The following DGKD variants were observed in gnomAD, a reference collection of about 807,000 sequenced individuals.
DGKD encodes the protein DAG kinase delta.
Under a neutral mutation model 154.4 loss-of-function variants are expected in DGKD, and 68 were observed. The ratio of observed to expected loss-of-function variants is 0.44; its 90% CI spans 0.36 to 0.54. The LOEUF is 0.54. DGKD is among the 20% of genes least tolerant of loss of function. DGKD has a pLI of 0.00. For missense variants in DGKD, 1,343 were observed against 1,593.6 expected (o/e 0.84, Z 2.68); for synonymous variants, 693 against 638.0 (o/e 1.09, Z -1.30).
At chr2:233,420,745 A>G (rs1031476074) in intron 3 of DGKD, among the ~76,000 whole-genome samples, 1 of 152,214 alleles carries the variant, frequency 6.6e-6, no homozygotes, top group Non-Finnish European at 1.5e-5. Flanking sequence ...GGAACGAGGC[A>G]TGAACCGCAG....
At chr2:233,387,618 G>A (rs1214181240) in intron 1 of DGKD, among the ~76,000 whole-genome samples, 1 of 152,198 alleles carries the variant, frequency 6.6e-6, no homozygotes, top group Non-Finnish European at 1.5e-5. Context: ...TCCATTTCTG[G>A]ATTCTCGTAA....
Position 233,448,335 on chromosome 2 carries a change from C to T in DGKD, c.1574C>T (p.Thr525Met), listed in dbSNP as rs149840484. The change falls in exon 14 of 30, where the codon ACG (threonine) becomes ATG (methionine). Residue 525 changes from threonine (T) to methionine (M), a missense_variant. By Grantham distance (81) the Thr-to-Met change is moderately conservative. Around this residue, in one of 6 missense-constraint regions of DGKD, gnomAD observed 409 missense variants for 446.0 expected, o/e 0.92. Coordinates refer to ENST00000264057, the MANE Select transcript of DGKD (RefSeq NM_152879.3). ...CGGGTGGGGAAGGCCTATGAGAAGA[C>T]GACCGAGAGCTCGGAGGAGTCAGAG... ...VARVGKAYEKTTESSEESEVM... is the reference protein window; with the variant it reads ...VARVGKAYEKMTESSEESEVM... 25 of 1,614,012 alleles carry T rather than the reference C, an allele frequency of 1.5e-5. No homozygotes were observed. Among genetic ancestry groups the T allele is most frequent in the East Asian group, 1.1e-4 (5 of 44,892 alleles).
rs559341737 is a variant in DGKD, at chr2:233,401,191, G to A, written c.348+10708G>A. The stretch of plus-strand genomic sequence containing the variant: ...CTCCATTTTCTCATCTGAGAAATGG[G>A]GCTAGTAACCTGCCTTGTGGGGTGG... On this transcript the variant is annotated intron_variant, in intron 3 of 29. Transcript: ENST00000264057. Among the ~76,000 whole-genome samples the A allele has an allele frequency of 2.4e-3, 361 of 152,108 alleles. 3 individuals are homozygous for A. The highest frequency in any genetic ancestry group is 7.7e-3 in the African/African-American group (319 of 41,508).
rs201017453 is a variant in DGKD, at chr2:233,370,567, C to CTT, written c.156+15894_156+15895dup. Among the ~76,000 whole-genome samples the CTT allele has an allele frequency of 1.4e-3, 165 of 114,352 alleles. 3 individuals carry two copies. Among genetic ancestry groups the CTT allele is most frequent in the African/African-American group, 4.6e-3 (129 of 27,816 alleles). The allele number at this position is 114,352 out of a possible 152,430, so 75.0% of individuals were successfully genotyped here. A position where few individuals can be genotyped will look rare whatever the true frequency, so the allele number is the denominator to read the frequency against. On this transcript the variant is annotated intron_variant, in intron 1 of 29. Transcript: ENST00000264057. The stretch of plus-strand genomic sequence containing the variant: ...ATTTACGTTGTACGTTTCAGAACTT[C>CTT]TTCTTTTTTTTTTTTTTTTTTTGTT...
intron 3 of DGKD, among the ~76,000 whole-genome samples, chr2:233,410,981 C>G (rs537098775): frequency 6.6e-6 from 1 of 152,022 alleles, no homozygotes; most frequent in South Asian, 2.1e-4. Flanking sequence ...GCAGCATGTA[C>G]TACTTTTTTT....
At chr2:233,390,010 A>T (rs923294748) in intron 2 of DGKD, among the ~76,000 whole-genome samples, 26 of 152,238 alleles carry the variant, frequency 1.7e-4, no homozygotes, top group Non-Finnish European at 7.3e-5. Flanking sequence ...TCCTCAGTCC[A>T]GACCCCGGCC....
chr2:233,464,032 C>G, intron 26 of DGKD, 132 bp from the exon 27 acceptor site: 1 of 1,299,952 alleles, frequency 7.7e-7, no homozygotes, highest in South Asian at 1.5e-5. Context: ...TGCTCTGGGA[C>G]TTCGTTTCTG....
Position 233,450,013 on chromosome 2 carries a change from G to A in DGKD, c.1920G>A (p.Glu640=), listed in dbSNP as rs1332004391. The A allele has an allele frequency of 1.2e-6, 2 of 1,612,076 alleles. No individual in the cohort carries two copies. Among genetic ancestry groups the A allele is most frequent in the Non-Finnish European group, 1.7e-6 (2 of 1,178,856 alleles). The stretch of plus-strand genomic sequence containing the variant: ...ATGAGCAGAATGCCCAGACCCAGGA[G>A]CAGGAGGGCTTCGTCCTGGGCCTCT... The part of the protein sequence containing the change: ...AVDEQNAQTQ[E]QEGFVLGLSE... The change falls in exon 16 of 30, where the codon GAG becomes GAA. Residue 640 remains glutamate, a synonymous_variant. Transcript: ENST00000264057.
chr2:233,359,501 T>TC (rs1438995634), intron 1 of DGKD, among the ~76,000 whole-genome samples: 1 of 151,500 alleles, frequency 6.6e-6, no homozygotes, highest in African/African-American at 2.4e-5. Flanking sequence ...CTGATTTTTT[T>TC]TTTTTTTTAT....
At chr2:233,355,743 GATA>G (rs1701506667) in intron 1 of DGKD, among the ~76,000 whole-genome samples, 2 of 152,240 alleles carry the variant, frequency 1.3e-5, no homozygotes, top group African/African-American at 4.8e-5. Flanking sequence ...CAGTAGTGAT[GATA>G]ATGATAGCAA....
In DGKD at chr2:233,449,375, A is replaced by C; in HGVS notation, c.1887A>C (p.Lys629Asn). 6.3e-7 allele frequency: 1 copy of C among 1,592,898 alleles called. No individual in the cohort carries two copies. Among genetic ancestry groups the C allele is most frequent in the South Asian group, 1.1e-5 (1 of 90,400 alleles). The change falls in exon 15 of 30, where the codon AAA becomes AAC. Residue 629 changes from lysine to asparagine, a missense_variant and splice_region_variant. This residue lies in a region of DGKD where 409 missense variants were observed against 446.0 expected (regional missense o/e 0.92). Coordinates refer to ENST00000264057, the MANE Select transcript of DGKD (RefSeq NM_152879.3). This position sits in a 1 kb window ranked among gnomAD's most constrained non-coding sequence, Gnocchi z 5.3. ...AIRQIIEHTEKAVDEQNAQTQ... is the reference protein window; with the variant it reads ...AIRQIIEHTENAVDEQNAQTQ... ...GTCAGATCATAGAACACACAGAAAA[A>C]GGTAACTGGCCTTGTGATGAGGAGG...
intron 12 of DGKD, chr2:233,447,611 G>T: frequency 1.0e-6 from 1 of 986,888 alleles, no homozygotes; most frequent in Non-Finnish European, 1.2e-6. Flanking sequence ...CCCTGGGGCT[G>T]GGTCCTAAGG....
intron 1 of DGKD, among the ~76,000 whole-genome samples, chr2:233,383,649 G>A (rs574033986): frequency 6.6e-5 from 10 of 152,286 alleles, no homozygotes; most frequent in South Asian, 2.1e-4. Context: ...GAGCTCACGC[G>A]TGTGGTGTCC....
intron 3 of DGKD, among the ~76,000 whole-genome samples, chr2:233,396,418 G>T (rs1450052294): frequency 1.3e-5 from 2 of 151,880 alleles, no homozygotes; most frequent in East Asian, 1.9e-4. Context: ...TTTTTTTGGG[G>T]TCTACCGTGG....
intron 18 of DGKD, chr2:233,454,307 T>C (rs778933213): frequency 9.2e-5 from 42 of 456,948 alleles, no homozygotes; most frequent in African/African-American, 7.3e-4. Flanking sequence ...AATGAAGCGC[T>C]AACACATGTT....
intron 1 of DGKD, among the ~76,000 whole-genome samples, chr2:233,362,832 C>T (rs1461576418): frequency 6.6e-6 from 1 of 151,922 alleles, no homozygotes; most frequent in Non-Finnish European, 1.5e-5. Flanking sequence ...AAAGGTGGTC[C>T]CATAAGATTA....
chr2:233,376,332 C>T (rs1480914994), intron 1 of DGKD, among the ~76,000 whole-genome samples: 2 of 152,196 alleles, frequency 1.3e-5, no homozygotes, highest in Non-Finnish European at 2.9e-5. Context: ...GAGTTGAAAT[C>T]AGACAGATCT....
At chr2:233,436,925 CAG>C (rs970007014) in intron 7 of DGKD, among the ~76,000 whole-genome samples, 1 of 152,226 alleles carries the variant, frequency 6.6e-6, no homozygotes, top group African/African-American at 2.4e-5. Context: ...GGGAGAGACT[CAG>C]GGAGCCTCCA....
intron 3 of DGKD, among the ~76,000 whole-genome samples, chr2:233,411,903 C>T (rs1421241846): frequency 1.3e-5 from 2 of 152,056 alleles, no homozygotes; most frequent in Non-Finnish European, 2.9e-5. Flanking sequence ...CCTTTGCTGC[C>T]TTTTTTCAAA....
Sources: gnomAD v4.1 joint callset for allele counts (sites outside exome capture counted in the v4.1 genomes callset) on GRCh38, gnomAD v4.1.1 for gene constraint, gnomAD v4.1.1 regional missense constraint, Gnocchi (gnomAD v3.1) non-coding constraint, MANE v1.5 for transcripts, NCBI Gene and HGNC (gene_info 2026-07-23, HGNC 2026-07-21) for gene names.